SMAD9: variants seen among roughly 807,000 people sequenced by gnomAD.
SMAD9 encodes MAD homolog 9.
SMAD9 carries 36 observed loss-of-function variants against 46.1 expected under a neutral mutation model. The observed-to-expected ratio is 0.78, with a 90% confidence interval of 0.60 to 1.03. The LOEUF is 1.03. Ranked by LOEUF, SMAD9 falls within the 50% of genes least tolerant of loss-of-function variation. SMAD9 has a pLI of 0.00. For synonymous variants in SMAD9, 245 were observed against 237.1 expected (o/e 1.03, Z -0.31); for missense variants, 572 against 599.8 (o/e 0.95, Z 0.48).
chr13:36,898,018 A>G (rs1306317044), intron 1 of SMAD9, among the ~76,000 whole-genome samples: 1 of 151,426 alleles, frequency 6.6e-6, no homozygotes, highest in East Asian at 1.9e-4. Context: ...CACCACACCC[A>G]GCTAATTTTT....
At chr13:36,850,353 T>C (rs2058064588) in intron 6 of SMAD9, among the ~76,000 whole-genome samples, 2 of 152,152 alleles carry the variant, frequency 1.3e-5, no homozygotes, top group African/African-American at 4.8e-5. Context: ...GTCCCAGGGC[T>C]CAGTCCTAGA....
chr13:36,858,859 G>C (rs12873063), intron 5 of SMAD9, among the ~76,000 whole-genome samples: 3,230 of 152,108 alleles, frequency 0.021, 82 homozygotes, highest in South Asian at 0.12. Flanking sequence ...ACAGATGCAC[G>C]CCGCCATACT....
intron 1 of SMAD9, among the ~76,000 whole-genome samples, chr13:36,880,475 A>G (rs1345974309): frequency 1.3e-5 from 2 of 152,216 alleles, no homozygotes; most frequent in East Asian, 3.8e-4. Flanking sequence ...AATAAATACT[A>G]ATGAAAAGAA....
At chr13:36,870,717 T>C (rs964905992) in intron 3 of SMAD9, among the ~76,000 whole-genome samples, 11 of 152,206 alleles carry the variant, frequency 7.2e-5, no homozygotes, top group African/African-American at 2.7e-4. Context: ...TTTTTTCCTA[T>C]ACATACCTGT....
At chr13:36,901,630 G>A (rs1274485186) in intron 1 of SMAD9, among the ~76,000 whole-genome samples, 1 of 152,168 alleles carries the variant, frequency 6.6e-6, no homozygotes, top group Non-Finnish European at 1.5e-5. Context: ...GTTTTGCCAT[G>A]TTGGCCAGGC....
rs1224351550 is a variant in SMAD9 at position 36,870,772 on chromosome 13, C to G, written c.670+1886G>C. ...ATTAAACACAGTAAGAGATTAGGAACAGTAACTAATAATAAAGTAAAACAA... is the reference window on the plus strand; with the variant it reads ...ATTAAACACAGTAAGAGATTAGGAAGAGTAACTAATAATAAAGTAAAACAA... On this transcript the variant is annotated intron_variant, in intron 3 of 6. Transcript: ENST00000379826. Among the ~76,000 whole-genome samples, 6 of 146,938 alleles carry G rather than the reference C, an allele frequency of 4.1e-5. No individual in the cohort carries two copies. In the East Asian group the frequency reaches 9.6e-4, roughly 24 times the overall value.
rs146507864 is a variant in SMAD9, at chr13:36,853,683, C to T, written c.1004-8G>A. ...CGTAGTACAAGTGCACACCTGCAGA[C>T]ACAAAAACACAGCCTTCCTTCACAT... On this transcript the variant is annotated splice_polypyrimidine_tract_variant and splice_region_variant and intron_variant, in intron 5 of 6. Coordinates refer to ENST00000379826, the MANE Select transcript of SMAD9 (RefSeq NM_001127217.3). 2.3e-4 allele frequency: 377 copies of T among 1,613,846 alleles called. 2 individuals are homozygous for T. In the African/African-American group the frequency reaches 4.6e-3, roughly 20 times the overall value.
At chr13:36,858,073 C>T (rs534286760) in intron 5 of SMAD9, among the ~76,000 whole-genome samples, 11 of 151,926 alleles carry the variant, frequency 7.2e-5, no homozygotes, top group South Asian at 2.1e-4. Context: ...TACTGTAGAG[C>T]GATAGATGAA....
At chr13:36,885,016 A>C (rs1286946208) in intron 1 of SMAD9, among the ~76,000 whole-genome samples, 1 of 152,158 alleles carries the variant, frequency 6.6e-6, no homozygotes, top group African/African-American at 2.4e-5. Context: ...TTTGTCTTTT[A>C]ATTTTTCAAA....
At chr13:36,899,406 T>C (rs1187494612) in intron 1 of SMAD9, among the ~76,000 whole-genome samples, 1 of 152,198 alleles carries the variant, frequency 6.6e-6, no homozygotes, top group East Asian at 1.9e-4. Flanking sequence ...TTGTATATGT[T>C]GATAGGGTGA....
chr13:36,876,727 C>A (rs2058348787), intron 2 of SMAD9, among the ~76,000 whole-genome samples: 1 of 152,068 alleles, frequency 6.6e-6, no homozygotes, highest in Non-Finnish European at 1.5e-5. Context: ...GGGAATGCAG[C>A]CTTCAATGTA....
At chr13:36,913,571 A>G (rs901735015) in intron 1 of SMAD9, among the ~76,000 whole-genome samples, 5 of 152,230 alleles carry the variant, frequency 3.3e-5, no homozygotes, top group Admixed American at 6.5e-5. Flanking sequence ...ATTAGATGCA[A>G]TGACAACAGA....
intron 6 of SMAD9, chr13:36,849,487 T>G (rs1593542845): frequency 6.6e-6 from 1 of 152,234 alleles, no homozygotes; most frequent in African/African-American, 2.4e-5. Context: ...TTTTTAAAAC[T>G]TGGATTTCAA....
chr13:36,875,862 G>A (rs1443103506), intron 2 of SMAD9, among the ~76,000 whole-genome samples: 1 of 152,034 alleles, frequency 6.6e-6, no homozygotes, highest in African/African-American at 2.4e-5. Flanking sequence ...GAAAAGAAAG[G>A]ATACATTTCC....
chr13:36,888,801 T>C (rs2058468253), intron 1 of SMAD9, among the ~76,000 whole-genome samples: 1 of 152,182 alleles, frequency 6.6e-6, no homozygotes, highest in African/African-American at 2.4e-5. Context: ...GTTTGTGTGC[T>C]TTACTAAAGG....
intron 1 of SMAD9, among the ~76,000 whole-genome samples, chr13:36,904,617 G>A (rs1401882853): frequency 6.6e-6 from 1 of 152,166 alleles, no homozygotes; most frequent in East Asian, 1.9e-4. Context: ...GGGCAACACT[G>A]CTACTCATCC....
intron 1 of SMAD9, among the ~76,000 whole-genome samples, chr13:36,880,629 A>G (rs1478136843): frequency 2.0e-5 from 3 of 152,212 alleles, no homozygotes; most frequent in African/African-American, 7.2e-5. Flanking sequence ...TAAGGGGACT[A>G]TGAGGTTCTC....
chr13:36,899,582 CAA>C (rs1034485570), intron 1 of SMAD9, among the ~76,000 whole-genome samples: 3 of 152,096 alleles, frequency 2.0e-5, no homozygotes, highest in African/African-American at 4.8e-5. Flanking sequence ...AACACAGATG[CAA>C]AGACATCCAT....
At chr13:36,869,214 T>A (rs1472223223) in intron 3 of SMAD9, among the ~76,000 whole-genome samples, 1 of 151,754 alleles carries the variant, frequency 6.6e-6, no homozygotes, top group Non-Finnish European at 1.5e-5. Flanking sequence ...ACATTATGAA[T>A]GCACCTAATG....
Sources: gnomAD v4.1 joint callset for allele counts (sites outside exome capture counted in the v4.1 genomes callset) on GRCh38, gnomAD v4.1.1 for gene constraint, MANE v1.5 for transcripts, NCBI Gene and HGNC (gene_info 2026-07-23, HGNC 2026-07-21) for gene names.